Variants in CWF19L2 observed in about 807,000 individuals in gnomAD.
CWF19L2 encodes CWF19 like cell cycle control factor 2.
CWF19L2 carries 98 observed loss-of-function variants against 111.7 expected under a neutral mutation model. The ratio of observed to expected loss-of-function variants is 0.88; its 90% CI spans 0.75 to 1.04. CWF19L2 has a LOEUF of 1.04. Ranked by LOEUF, CWF19L2 falls within the 50% of genes least tolerant of loss-of-function variation. The pLI, the probability that CWF19L2 is intolerant of heterozygous loss-of-function variation, is 0.00. For synonymous variants in CWF19L2, 351 were observed against 342.9 expected, an observed-to-expected ratio of 1.02 and a Z score of -0.26; for missense variants, 1,101 against 1,051.4, an observed-to-expected ratio of 1.05 and a Z score of -0.65.
chr11:107,423,356 G>C (rs993718066), intron 8 of CWF19L2, among the ~76,000 whole-genome samples: 25 of 151,844 alleles, frequency 1.6e-4, no homozygotes, highest in Admixed American at 1.5e-3. Context: ...TGGAATTATA[G>C]ATATTACATT....
At chr11:107,434,724 A>G (rs191327804) in intron 6 of CWF19L2, among the ~76,000 whole-genome samples, 1 of 151,602 alleles carries the variant, frequency 6.6e-6, no homozygotes, top group East Asian at 1.9e-4. Context: ...AATATGGATG[A>G]ATCTCAAAAT....
chr11:107,355,233 T>C (rs557002151), intron 12 of CWF19L2, among the ~76,000 whole-genome samples: 1 of 152,104 alleles, frequency 6.6e-6, no homozygotes, highest in Non-Finnish European at 1.5e-5. Flanking sequence ...CTGACCAACA[T>C]GGTGAAACCC....
rs533993008 is a variant in CWF19L2 at position 107,397,031 on chromosome 11, A to C, written c.1618-4136T>G. ...GCCCTGGGATCTCGCTGGGTCCCCA[A>C]ACAGCCCGTTCCTGCCTGGCACCAC... On this transcript the variant is annotated intron_variant, in intron 10 of 17. Coordinates refer to ENST00000282251, the MANE Select transcript of CWF19L2 (RefSeq NM_152434.3). Among the ~76,000 whole-genome samples the C allele has an allele frequency of 3.2e-4, 48 of 152,320 alleles. 1 individual carries two copies. The highest frequency in any genetic ancestry group is 1.7e-3 in the South Asian group (8 of 4,828).
chr11:107,432,146 TAA>T (rs1164096946), intron 7 of CWF19L2, among the ~76,000 whole-genome samples: 5 of 151,890 alleles, frequency 3.3e-5, no homozygotes, highest in Non-Finnish European at 5.9e-5. Flanking sequence ...ATCAACGAAG[TAA>T]AAAACATCAA....
At chr11:107,396,897 A>C (rs518062) in intron 10 of CWF19L2, among the ~76,000 whole-genome samples, 27,430 of 151,954 alleles carry the variant, frequency 0.18, 2,614 homozygotes, top group Middle Eastern at 0.25. Flanking sequence ...CATACCCCCC[A>C]ACTGGAGAAG....
At chr11:107,402,430 G>A (rs1451808333) in intron 10 of CWF19L2, among the ~76,000 whole-genome samples, 2 of 147,990 alleles carry the variant, frequency 1.4e-5, no homozygotes, top group Non-Finnish European at 3.0e-5. Context: ...GATATGAATA[G>A]ACAATTCTCA....
Position 107,429,035 on chromosome 11 carries a change from G to T in CWF19L2, c.1197C>A (p.Gly399=). ...LSSSSALVAQ[G]SLCSGFRKPT... ...GTTTTCTAAAACCACTACACAAAGA[G>T]CCCTGAGCTACCAATGCTGAAGATG... The change falls in exon 8 of 18, where the codon GGC becomes GGA. Residue 399 remains glycine (G), a synonymous_variant. Transcript: ENST00000282251. 1.2e-6 allele frequency: 2 copies of T among 1,613,726 alleles called. No individual in the cohort carries two copies. The highest frequency in any genetic ancestry group is 2.2e-5 in the South Asian group (2 of 91,064).
intron 10 of CWF19L2, among the ~76,000 whole-genome samples, chr11:107,405,348 T>C (rs754335553): frequency 5.3e-5 from 8 of 152,220 alleles, no homozygotes; most frequent in Non-Finnish European, 1.2e-4. Context: ...CTTGGTTCTA[T>C]ACTATTATTT....
At chr11:107,332,465 A>G (rs1859863570) in intron 16 of CWF19L2, among the ~76,000 whole-genome samples, 1 of 152,126 alleles carries the variant, frequency 6.6e-6, no homozygotes, top group Non-Finnish European at 1.5e-5. Flanking sequence ...ACCTTCATAC[A>G]GCAAAGAAAA....
At chr11:107,404,168 C>T (rs533081539) in intron 10 of CWF19L2, 39 of 775,958 alleles carry the variant, frequency 5.0e-5, no homozygotes, top group Admixed American at 1.0e-4. Context: ...TTTGCATTTA[C>T]GTAAGCAAGG....
chr11:107,387,458 AAAAC>A (rs1389301466), intron 12 of CWF19L2, among the ~76,000 whole-genome samples: 1 of 51,330 alleles, frequency 1.9e-5, no homozygotes, highest in Admixed American at 1.4e-4. Flanking sequence ...AAAACAAAAC[AAAAC>A]AAAACAAAAA....
intron 10 of CWF19L2, among the ~76,000 whole-genome samples, chr11:107,413,797 T>C (rs1010897460): frequency 4.6e-5 from 7 of 152,230 alleles, no homozygotes; most frequent in African/African-American, 7.2e-5. Context: ...ATCTAAGTCA[T>C]GAATGATGTT....
intron 16 of CWF19L2, among the ~76,000 whole-genome samples, chr11:107,334,560 A>G (rs1290810270): frequency 6.6e-6 from 1 of 152,210 alleles, no homozygotes; most frequent in African/African-American, 2.4e-5. Flanking sequence ...GGCCCTTCTC[A>G]CCATTTGTCC....
At chr11:107,386,742 T>C (rs537089803) in intron 12 of CWF19L2, among the ~76,000 whole-genome samples, 70 of 152,244 alleles carry the variant, frequency 4.6e-4, no homozygotes, top group African/African-American at 1.6e-3. Flanking sequence ...TTTGATCTCA[T>C]TGCTTTAAAT....
intron 12 of CWF19L2, among the ~76,000 whole-genome samples, chr11:107,381,526 G>A (rs781436721): frequency 6.6e-6 from 1 of 152,060 alleles, no homozygotes; most frequent in Non-Finnish European, 1.5e-5. Flanking sequence ...GGATATCACA[G>A]GAACATATAA....
intron 17 of CWF19L2, 115 bp from the exon 18 acceptor site, chr11:107,327,168 G>T (rs935165709): frequency 1.0e-4 from 109 of 1,080,202 alleles, no homozygotes; most frequent in Non-Finnish European, 1.4e-4. Flanking sequence ...CCATGACAAT[G>T]TTCAAGCATA....
intron 8 of CWF19L2, among the ~76,000 whole-genome samples, chr11:107,421,546 T>C (rs1861302947): frequency 2.0e-5 from 3 of 152,078 alleles, no homozygotes; most frequent in Non-Finnish European, 2.9e-5. Flanking sequence ...CACTACACGT[T>C]GTAAGCACTT....
intron 6 of CWF19L2, among the ~76,000 whole-genome samples, chr11:107,436,380 C>T (rs1861541984): frequency 6.6e-6 from 1 of 151,572 alleles, no homozygotes; most frequent in Non-Finnish European, 1.5e-5. Flanking sequence ...CTCAAAGTTA[C>T]ACTGTTATAG....
intron 3 of CWF19L2, among the ~76,000 whole-genome samples, chr11:107,450,866 A>G (rs1365425644): frequency 6.6e-6 from 1 of 152,180 alleles, no homozygotes; most frequent in African/African-American, 2.4e-5. Context: ...GCAAAAACTG[A>G]CAAAACTGAA....
Sources: gnomAD v4.1 joint callset for allele counts (sites outside exome capture counted in the v4.1 genomes callset) on GRCh38, gnomAD v4.1.1 for gene constraint, MANE v1.5 for transcripts, NCBI Gene and HGNC (gene_info 2026-07-23, HGNC 2026-07-21) for gene names.